The following PRKCA variants were observed in gnomAD, a reference collection of about 807,000 sequenced individuals.
The protein encoded by PRKCA is protein kinase C alpha type.
In PRKCA, 27 loss-of-function variants were observed where a neutral mutation model predicts 87.0. The observed-to-expected ratio is 0.31, with a 90% CI of 0.23 to 0.43. PRKCA has a LOEUF of 0.43. Among genes scored for constraint, PRKCA ranks in the 20% least tolerant of loss-of-function variants. The pLI, the probability that PRKCA is intolerant of heterozygous loss-of-function variation, is 1.00. For missense variants in PRKCA, 518 were observed against 852.3 expected, an observed-to-expected ratio of 0.61 and a Z score of 4.88; for synonymous variants, 329 against 311.1, an observed-to-expected ratio of 1.06 and a Z score of -0.61.
intron 3 of PRKCA, among the ~76,000 whole-genome samples, chr17:66,636,750 A>T (rs549989972): frequency 6.6e-5 from 10 of 152,350 alleles, no homozygotes; most frequent in Admixed American, 6.5e-4. Flanking sequence ...CCCCTTGCCC[A>T]TGACACGGGC....
At chr17:66,317,628 T>G (rs1905393219) in intron 2 of PRKCA, among the ~76,000 whole-genome samples, 3 of 152,186 alleles carry the variant, frequency 2.0e-5, no homozygotes, top group African/African-American at 7.2e-5. Flanking sequence ...ATCTCTTCAT[T>G]TTTTTCCTTC....
chr17:66,615,348 G>T (rs1970487282), intron 3 of PRKCA, among the ~76,000 whole-genome samples: 1 of 152,150 alleles, frequency 6.6e-6, no homozygotes. Flanking sequence ...ATGTCGGGGT[G>T]GGTAGCCAGC....
intron 2 of PRKCA, among the ~76,000 whole-genome samples, chr17:66,380,966 G>T (rs1217766322): frequency 6.6e-6 from 1 of 150,636 alleles, no homozygotes; most frequent in Non-Finnish European, 1.5e-5. Context: ...TGGAGACAGG[G>T]TCTCTTTCTG....
intron 3 of PRKCA, among the ~76,000 whole-genome samples, chr17:66,497,053 G>A (rs1047865172): frequency 1.3e-5 from 2 of 152,180 alleles, no homozygotes; most frequent in Non-Finnish European, 2.9e-5. Flanking sequence ...TGCCTTTTCG[G>A]TGTATGTTAA....
chr17:66,719,691 C>T (rs1469249205), intron 8 of PRKCA, among the ~76,000 whole-genome samples: 1 of 152,234 alleles, frequency 6.6e-6, no homozygotes, highest in Non-Finnish European at 1.5e-5. Context: ...CGCTTGAACC[C>T]AGGAGGCAGA....
chr17:66,772,690 T>C (rs1437662245), intron 13 of PRKCA, among the ~76,000 whole-genome samples: 1 of 152,136 alleles, frequency 6.6e-6, no homozygotes, highest in African/African-American at 2.4e-5. Flanking sequence ...AGCCCTGCCA[T>C]ACTTAGAAAT....
intron 2 of PRKCA, among the ~76,000 whole-genome samples, chr17:66,457,374 T>C (rs973076328): frequency 2.0e-5 from 3 of 152,026 alleles, no homozygotes; most frequent in African/African-American, 7.2e-5. Flanking sequence ...GATGGCTCAG[T>C]TCTTCTAATT....
chr17:66,504,496 G>A (rs888019374), intron 3 of PRKCA, among the ~76,000 whole-genome samples: 1 of 152,086 alleles, frequency 6.6e-6, no homozygotes, highest in Non-Finnish European at 1.5e-5. Context: ...GGAGACTGAG[G>A]CAGGAGAATT....
Position 66,496,265 on chromosome 17 carries a change from T to G in PRKCA, c.270T>G (p.Asp90Glu). ...TTACTTTTTCTTGTCCGGGTGCGGATAAGGGACCCGACACTGATGTAAGTA... is the reference window on the plus strand; with the variant it reads ...TTACTTTTTCTTGTCCGGGTGCGGAGAAGGGACCCGACACTGATGTAAGTA... The part of the protein sequence containing the change: ...EFVTFSCPGA[D>E]KGPDTDDPRS... Residue 90 changes from aspartate (D) to glutamate (E), a missense_variant, in exon 3 of 17, where the codon GAT (aspartate) becomes GAG (glutamate). Asp to Glu is a conservative substitution (Grantham distance 45). Around this residue, in one of 5 missense-constraint regions of PRKCA, gnomAD observed 300 missense variants for 496.8 expected, o/e 0.60. Coordinates refer to ENST00000413366, the MANE Select transcript of PRKCA (RefSeq NM_002737.3). The G allele has an allele frequency of 1.2e-6, 2 of 1,613,780 alleles. No individual in the cohort carries two copies. The highest frequency in any genetic ancestry group is 1.1e-5 in the South Asian group (1 of 91,078).
At chr17:66,309,540 C>T (rs1460275898) in intron 2 of PRKCA, among the ~76,000 whole-genome samples, 1 of 152,130 alleles carries the variant, frequency 6.6e-6, no homozygotes, top group African/African-American at 2.4e-5. Context: ...AATTTGCTGC[C>T]TGAAACGGTG....
At position 66,574,484 on chromosome 17, in the gene PRKCA, C is replaced by T. The variant is rs184966245; in HGVS notation, c.289-66871C>T. On this transcript the variant is annotated intron_variant, in intron 3 of 16. Coordinates refer to ENST00000413366, the MANE Select transcript of PRKCA (RefSeq NM_002737.3). ...AAAGCACTTAGAACCCTGTCTAGCACGGAGAAACAGCGCAGTTGTCACCCC... is the reference window on the plus strand; with the variant it reads ...AAAGCACTTAGAACCCTGTCTAGCATGGAGAAACAGCGCAGTTGTCACCCC... 1.5e-3 allele frequency among the ~76,000 whole-genome samples: 232 copies of T among 152,254 alleles called. 1 individual carries two copies. The highest frequency in any genetic ancestry group is 2.7e-3 in the East Asian group (14 of 5,182).
chr17:66,356,828 C>T (rs1014717621), intron 2 of PRKCA, among the ~76,000 whole-genome samples: 1 of 152,176 alleles, frequency 6.6e-6, no homozygotes, highest in African/African-American at 2.4e-5. Flanking sequence ...GATTTCAGCT[C>T]ACTGCAGCCT....
chr17:66,618,183 C>T (rs559631804), intron 3 of PRKCA, among the ~76,000 whole-genome samples: 4 of 152,084 alleles, frequency 2.6e-5, no homozygotes, highest in African/African-American at 9.6e-5. Flanking sequence ...GGCAAAACCC[C>T]GTCTCTACTA....
intron 3 of PRKCA, chr17:66,641,011 A>C: frequency 9.9e-6 from 3 of 303,748 alleles, no homozygotes; most frequent in Non-Finnish European, 1.9e-5. Flanking sequence ...AAATACAAAA[A>C]TACCCACATC....
At chr17:66,498,285 G>T (rs1193912135) in intron 3 of PRKCA, among the ~76,000 whole-genome samples, 1 of 152,164 alleles carries the variant, frequency 6.6e-6, no homozygotes, top group African/African-American at 2.4e-5. Context: ...CATTGCACTT[G>T]TTTGGAGTTG....
chr17:66,510,032 A>G (rs1314745509), intron 3 of PRKCA, among the ~76,000 whole-genome samples: 2 of 152,034 alleles, frequency 1.3e-5, no homozygotes, highest in Non-Finnish European at 2.9e-5. Flanking sequence ...TTTGTTTGAG[A>G]CTTTTGGCAA....
chr17:66,690,678 A>G (rs1972755804), intron 8 of PRKCA, among the ~76,000 whole-genome samples: 1 of 151,834 alleles, frequency 6.6e-6, no homozygotes, highest in South Asian at 2.1e-4. Flanking sequence ...AAATACAAAA[A>G]TTAGCCGGGT....
intron 2 of PRKCA, among the ~76,000 whole-genome samples, chr17:66,327,650 C>T (rs1408841617): frequency 6.6e-6 from 1 of 152,184 alleles, no homozygotes; most frequent in East Asian, 1.9e-4. Flanking sequence ...ACATGACTTA[C>T]ATTTTTTTAT....
At chr17:66,437,731 T>TTTTTTTTTTTGGGGGGGGG (rs55779501) in intron 2 of PRKCA, among the ~76,000 whole-genome samples, 1 of 11,142 alleles carries the variant, frequency 9.0e-5, no homozygotes, top group African/African-American at 3.9e-4. Context: ...TTTTTTTTTT[T>TTTTTTTTTTTGGGGGGGGG]GAGCGGGGGG....
Sources: allele counts gnomAD v4.1 joint callset (sites outside exome capture counted in the v4.1 genomes callset), GRCh38; gene constraint gnomAD v4.1.1; regional missense constraint gnomAD v4.1.1; transcripts MANE v1.5; gene names NCBI Gene and HGNC (gene_info 2026-07-23, HGNC 2026-07-21).